The following TESK2 variants were observed in gnomAD, a reference collection of about 807,000 sequenced individuals.
TESK2 encodes testis associated actin remodelling kinase 2, also known as dual specificity testis-specific protein kinase 2.
TESK2 carries 39 observed loss-of-function variants against 57.1 expected under a neutral mutation model. The ratio of observed to expected loss-of-function variants is 0.68; its 90% CI spans 0.53 to 0.89. The LOEUF is 0.89. TESK2 is among the 40% of genes least tolerant of loss of function. The pLI, the probability that TESK2 is intolerant of heterozygous loss-of-function variation, is 0.00. For synonymous variants in TESK2, 249 were observed against 267.9 expected (o/e 0.93, Z 0.69); for missense variants, 646 against 732.1 (o/e 0.88, Z 1.36).
At chr1:45,420,673 T>A (rs1177256817) in intron 3 of TESK2, among the ~76,000 whole-genome samples, 1 of 149,560 alleles carries the variant, frequency 6.7e-6, no homozygotes, top group Non-Finnish European at 1.5e-5. Context: ...GAACCTCCAC[T>A]TCCCGGGTTC....
rs776503690 is a variant in TESK2 at position 45,347,079 on chromosome 1, C to A, written c.709-17G>T. 6.1e-5 allele frequency: 98 copies of A among 1,613,244 alleles called. No homozygotes were observed. The highest frequency in any genetic ancestry group is 7.8e-5 in the Non-Finnish European group (92 of 1,179,364). On this transcript the variant is annotated splice_polypyrimidine_tract_variant and intron_variant, in intron 7 of 10. Transcript: ENST00000372086. ...CACATCTGCCTGGTGGGTAGTCGGA[C>A]TTTGGTTTCCCTCTTAATGGGTTGA...
chr1:45,361,962 AC>A (rs1174260679), intron 4 of TESK2, among the ~76,000 whole-genome samples: 1 of 152,084 alleles, frequency 6.6e-6, no homozygotes, highest in South Asian at 2.1e-4. Flanking sequence ...ACATAGCAAG[AC>A]CCCCACTCAA....
At chr1:45,452,442 A>C (rs1651907601) in intron 2 of TESK2, among the ~76,000 whole-genome samples, 2 of 152,234 alleles carry the variant, frequency 1.3e-5, no homozygotes, top group Admixed American at 1.3e-4. Flanking sequence ...CAACAGAAGA[A>C]GGCAGGTAAG....
intron 1 of TESK2, among the ~76,000 whole-genome samples, chr1:45,462,764 G>T (rs1652386768): frequency 6.6e-6 from 1 of 152,170 alleles, no homozygotes; most frequent in Non-Finnish European, 1.5e-5. Flanking sequence ...TCAGCAGTGG[G>T]ATTGCTATAT....
intron 4 of TESK2, among the ~76,000 whole-genome samples, chr1:45,372,544 AC>A (rs1282371069): frequency 6.6e-6 from 1 of 151,856 alleles, no homozygotes; most frequent in Non-Finnish European, 1.5e-5. Flanking sequence ...GTGCCACTGC[AC>A]TCCAGCCTGG....
chr1:45,436,953 A>G (rs932129200), intron 2 of TESK2, among the ~76,000 whole-genome samples: 6 of 151,888 alleles, frequency 4.0e-5, no homozygotes, highest in Non-Finnish European at 7.4e-5. Flanking sequence ...ATGTGCCATC[A>G]TGCCTGGCTA....
At chr1:45,482,528 A>G (rs1653269069) in intron 1 of TESK2, among the ~76,000 whole-genome samples, 1 of 152,048 alleles carries the variant, frequency 6.6e-6, no homozygotes, top group South Asian at 2.1e-4. Flanking sequence ...TCTCAAAAAA[A>G]TAAATAAATA....
intron 4 of TESK2, among the ~76,000 whole-genome samples, chr1:45,356,135 G>T (rs892750102): frequency 1.2e-4 from 18 of 152,082 alleles, no homozygotes; most frequent in Admixed American, 3.9e-4. Flanking sequence ...TGAGAGCAGG[G>T]CATCTGAATC....
intron 3 of TESK2, among the ~76,000 whole-genome samples, chr1:45,389,329 C>A (rs893419872): frequency 6.6e-6 from 1 of 151,378 alleles, no homozygotes; most frequent in Admixed American, 6.6e-5. Flanking sequence ...GGGAGGACCA[C>A]TTGAGCCCAG....
chr1:45,421,935 A>G (rs1321934887), intron 2 of TESK2, 89 bp from the exon 3 acceptor site: 1 of 1,421,534 alleles, frequency 7.0e-7, no homozygotes, highest in Non-Finnish European at 9.6e-7. Flanking sequence ...ATGCCAAGAT[A>G]TTTTTGTGCC....
At chr1:45,399,140 A>ATTTTT (rs753087306) in intron 3 of TESK2, among the ~76,000 whole-genome samples, 6 of 99,722 alleles carry the variant, frequency 6.0e-5, no homozygotes, top group Non-Finnish European at 7.5e-5. Flanking sequence ...AAAAGTTGAA[A>ATTTTT]TTTTTTTTTT....
chr1:45,420,163 G>A (rs1650412011), intron 3 of TESK2, among the ~76,000 whole-genome samples: 2 of 152,202 alleles, frequency 1.3e-5, no homozygotes, highest in Admixed American at 6.5e-5. Context: ...CTGGCCAGGT[G>A]TGGTGGATCA....
chr1:45,346,841 T>C, intron 8 of TESK2, 62 bp from the exon 9 acceptor site: 1 of 1,559,302 alleles, frequency 6.4e-7, no homozygotes, highest in Non-Finnish European at 8.8e-7. Flanking sequence ...CATCCTAGCC[T>C]GCTCAGTAGA....
chr1:45,388,401 G>A (rs1045063852), intron 3 of TESK2, among the ~76,000 whole-genome samples: 3 of 152,148 alleles, frequency 2.0e-5, no homozygotes, highest in Admixed American at 2.0e-4. Context: ...AATATGATAA[G>A]CTACATTTCC....
At chr1:45,408,489 C>T (rs528721973) in intron 3 of TESK2, among the ~76,000 whole-genome samples, 1 of 152,232 alleles carries the variant, frequency 6.6e-6, no homozygotes, top group East Asian at 1.9e-4. Context: ...TTCTCCCCTC[C>T]AGGTATTAGC....
intron 3 of TESK2, among the ~76,000 whole-genome samples, chr1:45,419,462 T>G (rs1220122494): frequency 6.6e-6 from 1 of 152,214 alleles, no homozygotes; most frequent in Non-Finnish European, 1.5e-5. Context: ...TATCTTGATA[T>G]CTTTCTGATG....
chr1:45,424,192 C>G (rs1650594193), intron 2 of TESK2, among the ~76,000 whole-genome samples: 1 of 152,142 alleles, frequency 6.6e-6, no homozygotes, highest in African/African-American at 2.4e-5. Context: ...TCTTCAATAT[C>G]CAAAAACTCC....
chr1:45,347,089 C>T (rs1360172874), intron 7 of TESK2, 27 bp from the exon 8 acceptor site: 2 of 1,608,732 alleles, frequency 1.2e-6, no homozygotes, highest in East Asian at 2.2e-5. Context: ...CTTTGGTTTC[C>T]CTCTTAATGG....
intron 2 of TESK2, among the ~76,000 whole-genome samples, chr1:45,441,470 C>T (rs1651441660): frequency 6.6e-6 from 1 of 152,092 alleles, no homozygotes; most frequent in African/African-American, 2.4e-5. Flanking sequence ...AGCCACCGCA[C>T]CCAGCCTGTT....
Sources: allele counts gnomAD v4.1 joint callset (sites outside exome capture counted in the v4.1 genomes callset), GRCh38; gene constraint gnomAD v4.1.1; transcripts MANE v1.5; gene names NCBI Gene and HGNC (gene_info 2026-07-23, HGNC 2026-07-21).